IGSF21: variants seen among roughly 807,000 people sequenced by gnomAD.
IGSF21 encodes the protein immunoglobin superfamily member 21.
Under a neutral mutation model 46.8 loss-of-function variants are expected in IGSF21, and 28 were observed. The ratio of observed to expected loss-of-function variants is 0.60; its 90% CI spans 0.44 to 0.82. IGSF21 has a LOEUF of 0.82. Among genes scored for constraint, IGSF21 ranks in the 40% least tolerant of loss-of-function variants. The pLI, the probability that IGSF21 is intolerant of heterozygous loss-of-function variation, is 0.00. For synonymous variants in IGSF21, 284 were observed against 273.6 expected (o/e 1.04, Z -0.38); for missense variants, 624 against 665.5 (o/e 0.94, Z 0.69).
chr1:18,198,598 C>T (rs543224569), intron 1 of IGSF21, among the ~76,000 whole-genome samples: 7 of 152,278 alleles, frequency 4.6e-5, no homozygotes, highest in Admixed American at 1.3e-4. Flanking sequence ...GCCTGCCAGG[C>T]GCTTTCTTAA....
chr1:18,235,669 G>A (rs2084666099), intron 2 of IGSF21, among the ~76,000 whole-genome samples: 1 of 152,218 alleles, frequency 6.6e-6, no homozygotes, highest in African/African-American at 2.4e-5. Flanking sequence ...AATGGGCAGA[G>A]ACCGTTCATA....
chr1:18,371,405 C>T (rs2124637134), intron 6 of IGSF21, among the ~76,000 whole-genome samples: 1 of 152,138 alleles, frequency 6.6e-6, no homozygotes, highest in African/African-American at 2.4e-5. Context: ...AACCTCGGCT[C>T]TACTGAAAAT....
intron 1 of IGSF21, among the ~76,000 whole-genome samples, chr1:18,124,855 G>T (rs1415840144): frequency 6.6e-6 from 1 of 152,208 alleles, no homozygotes; most frequent in South Asian, 2.1e-4. Flanking sequence ...AGGCATATGC[G>T]ATAGTTATAT....
chr1:18,252,552 G>A (rs1341028782), intron 2 of IGSF21, among the ~76,000 whole-genome samples: 1 of 152,218 alleles, frequency 6.6e-6, no homozygotes, highest in Non-Finnish European at 1.5e-5. Context: ...GCCTGTCTAT[G>A]AAGTCAAGTG....
intron 2 of IGSF21, among the ~76,000 whole-genome samples, chr1:18,270,219 T>C (rs1422764524): frequency 6.6e-6 from 1 of 152,186 alleles, no homozygotes; most frequent in Non-Finnish European, 1.5e-5. Context: ...TGCCATCCAC[T>C]CACTCTCCAA....
chr1:18,338,267 A>C (rs1156323850), intron 4 of IGSF21, among the ~76,000 whole-genome samples: 1 of 152,202 alleles, frequency 6.6e-6, no homozygotes, highest in Non-Finnish European at 1.5e-5. Context: ...ATCTCTGTGA[A>C]CGTCTCCTTC....
intron 1 of IGSF21, among the ~76,000 whole-genome samples, chr1:18,133,763 G>T (rs1336037196): frequency 6.6e-6 from 1 of 152,244 alleles, no homozygotes; most frequent in Admixed American, 6.5e-5. Context: ...GACAACTGCC[G>T]ATCCCCGTTA....
intron 2 of IGSF21, among the ~76,000 whole-genome samples, chr1:18,286,183 C>T (rs2085210666): frequency 6.6e-6 from 1 of 152,252 alleles, no homozygotes; most frequent in Non-Finnish European, 1.5e-5. Flanking sequence ...CTCATCCATG[C>T]TGAGCGGTCA....
At chr1:18,296,436 G>A (rs1557630510) in intron 3 of IGSF21, among the ~76,000 whole-genome samples, 2 of 152,300 alleles carry the variant, frequency 1.3e-5, no homozygotes, top group East Asian at 3.9e-4. Flanking sequence ...TGAAGGGTGG[G>A]GAGTCATGGG....
chr1:18,127,417 G>A (rs1332967778), intron 1 of IGSF21, among the ~76,000 whole-genome samples: 1 of 152,096 alleles, frequency 6.6e-6, no homozygotes, highest in African/African-American at 2.4e-5. Context: ...GAAGTCATGA[G>A]GAAAGAGTCC....
intron 3 of IGSF21, among the ~76,000 whole-genome samples, chr1:18,330,506 G>A (rs983438621): frequency 4.6e-5 from 7 of 152,036 alleles, no homozygotes; most frequent in South Asian, 2.1e-4. Context: ...GCTGGAGGAA[G>A]GGGCAGGGGC....
chr1:18,178,845 G>A (rs116652944), intron 1 of IGSF21, among the ~76,000 whole-genome samples: 4 of 152,086 alleles, frequency 2.6e-5, no homozygotes, highest in African/African-American at 4.8e-5. Context: ...TTCGGGGAGC[G>A]AGCGCAGGGA....
intron 1 of IGSF21, among the ~76,000 whole-genome samples, chr1:18,165,103 A>G (rs1434918370): frequency 6.6e-6 from 1 of 151,884 alleles, no homozygotes; most frequent in East Asian, 1.9e-4. Context: ...CATGGTGTAT[A>G]TGTGCCACAT....
intron 4 of IGSF21, among the ~76,000 whole-genome samples, chr1:18,357,271 G>C (rs943848680): frequency 6.7e-6 from 1 of 149,908 alleles, no homozygotes; most frequent in Non-Finnish European, 1.5e-5. Flanking sequence ...TAAAAACAGG[G>C]AAGGAGATGG....
At chr1:18,254,369 TAACCC>T (rs2084870579) in intron 2 of IGSF21, among the ~76,000 whole-genome samples, 1 of 151,434 alleles carries the variant, frequency 6.6e-6, no homozygotes, top group African/African-American at 2.4e-5. Context: ...ACCCTAACCC[TAACCC>T]TAACCCTAAC....
chr1:18,161,961 T>C (rs2086629930), intron 1 of IGSF21, among the ~76,000 whole-genome samples: 2 of 152,280 alleles, frequency 1.3e-5, no homozygotes, highest in African/African-American at 2.4e-5. Flanking sequence ...ACCCTTCCTA[T>C]AGAGCAAACT....
intron 6 of IGSF21, among the ~76,000 whole-genome samples, chr1:18,374,680 C>T (rs2086263022): frequency 6.6e-6 from 1 of 152,104 alleles, no homozygotes; most frequent in Non-Finnish European, 1.5e-5. Context: ...AATTAATAGT[C>T]CTTTGATTTC....
intron 4 of IGSF21, among the ~76,000 whole-genome samples, chr1:18,352,165 G>A (rs937839502): frequency 7.9e-5 from 12 of 152,200 alleles, no homozygotes; most frequent in African/African-American, 1.7e-4. Context: ...GCCTGGGGTA[G>A]CCTGGCTAAG....
chr1:18,248,866 C>T (rs1226302818), intron 2 of IGSF21, among the ~76,000 whole-genome samples: 1 of 152,048 alleles, frequency 6.6e-6, no homozygotes, highest in African/African-American at 2.4e-5. Context: ...TAGGCCTGAC[C>T]TGCTTGGTAA....
Sources: allele counts gnomAD v4.1 joint callset (sites outside exome capture counted in the v4.1 genomes callset), GRCh38; gene constraint gnomAD v4.1.1; transcripts MANE v1.5; gene names NCBI Gene and HGNC (gene_info 2026-07-23, HGNC 2026-07-21).